Variants in USP40 observed in about 807,000 individuals in gnomAD.
USP40 encodes the protein ubiquitin specific peptidase 40, also known as ubiquitin carboxyl-terminal hydrolase 40.
In USP40, 143 loss-of-function variants were observed where a neutral mutation model predicts 166.2. That is an observed-to-expected ratio of 0.86 (90% CI 0.75 to 0.99). The LOEUF is 0.99. USP40 is among the 50% of genes least tolerant of loss of function. The probability of loss-of-function intolerance (pLI) is 0.00; values close to 1 mark genes in which losing one functional copy is unlikely to be tolerated. For synonymous variants in USP40, 498 were observed against 524.0 expected, an observed-to-expected ratio of 0.95 and a Z score of 0.68; for missense variants, 1,444 against 1,479.7, an observed-to-expected ratio of 0.98 and a Z score of 0.40.
chr2:233,503,058 A>G (rs192459170), intron 21 of USP40, among the ~76,000 whole-genome samples: 2 of 152,326 alleles, frequency 1.3e-5, no homozygotes, highest in East Asian at 3.9e-4. Context: ...AAATGCCTGA[A>G]GAGAAATTCA....
At chr2:233,512,198 T>C (rs2066886927) in intron 19 of USP40, 1 of 186,882 alleles carries the variant, frequency 5.4e-6, no homozygotes, top group Admixed American at 6.0e-5. Flanking sequence ...CATGACTAAA[T>C]TAAATCTAAT....
At chr2:233,487,192 G>A (rs2065002210) in intron 28 of USP40, among the ~76,000 whole-genome samples, 1 of 152,186 alleles carries the variant, frequency 6.6e-6, no homozygotes, top group Non-Finnish European at 1.5e-5. Flanking sequence ...CAAAATACAC[G>A]AAATAACTCA....
intron 1 of USP40, among the ~76,000 whole-genome samples, chr2:233,565,984 G>A (rs2072108834): frequency 6.6e-6 from 1 of 152,058 alleles, no homozygotes; most frequent in Non-Finnish European, 1.5e-5. Context: ...CTGCTGGGAC[G>A]GCAAAGCCAA....
chr2:233,546,779 G>A (rs868786250), intron 8 of USP40: 3 of 152,226 alleles, frequency 2.0e-5, no homozygotes, highest in Admixed American at 6.5e-5. Context: ...AAGATAAGGG[G>A]AGTTTAAGGC....
At chr2:233,566,546 C>A in intron 1 of USP40, 138 bp downstream of exon 1, 2 of 405,146 alleles carry the variant, frequency 4.9e-6, no homozygotes, top group Non-Finnish European at 6.7e-6. Context: ...GAAACCACTG[C>A]CCCGACTCCA....
intron 18 of USP40, among the ~76,000 whole-genome samples, chr2:233,517,934 A>T (rs1381919203): frequency 6.6e-6 from 1 of 151,358 alleles, no homozygotes; most frequent in East Asian, 1.9e-4. Context: ...GGAATGGAAA[A>T]CCAAACACCG....
intron 5 of USP40, among the ~76,000 whole-genome samples, chr2:233,555,400 G>A (rs1460231742): frequency 2.6e-5 from 4 of 151,956 alleles, no homozygotes; most frequent in African/African-American, 9.7e-5. Flanking sequence ...GAGATTTTGG[G>A]GAATGAAAAT....
chr2:233,554,356 G>GA (rs777140566), intron 6 of USP40, 24 bp downstream of exon 6: 2 of 1,580,132 alleles, frequency 1.3e-6, no homozygotes, highest in East Asian at 4.6e-5. Flanking sequence ...GGGACCCTGG[G>GA]AAAAAGCAGT....
chr2:233,530,331 T>G (rs911905547), intron 11 of USP40, among the ~76,000 whole-genome samples: 3 of 152,128 alleles, frequency 2.0e-5, no homozygotes, highest in African/African-American at 7.2e-5. Flanking sequence ...AAATAAATGA[T>G]TACATAGTAG....
chr2:233,516,032 T>G (rs186514758), intron 18 of USP40, among the ~76,000 whole-genome samples: 13 of 152,364 alleles, frequency 8.5e-5, no homozygotes, highest in Non-Finnish European at 1.3e-4. Flanking sequence ...GTAAATATTT[T>G]AGGCTTCACG....
chr2:233,533,911 G>T, intron 10 of USP40, 132 bp from the exon 11 acceptor site: 1 of 940,638 alleles, frequency 1.1e-6, no homozygotes, highest in Non-Finnish European at 1.5e-6. Context: ...GGCCAGCTAC[G>T]GGGGAAAATC....
intron 26 of USP40, among the ~76,000 whole-genome samples, chr2:233,490,160 CTTTTTTTT>C (rs545796570): frequency 7.6e-6 from 1 of 131,664 alleles, no homozygotes; most frequent in Non-Finnish European, 1.6e-5. Flanking sequence ...TTCTTTTCTC[CTTTTTTTT>C]TTTTTTTTTT....
At chr2:233,536,263 T>C (rs2068926984) in intron 10 of USP40, among the ~76,000 whole-genome samples, 1 of 152,184 alleles carries the variant, frequency 6.6e-6, no homozygotes, top group Non-Finnish European at 1.5e-5. Flanking sequence ...CAAAGAAATG[T>C]ACACTTTAAA....
intron 10 of USP40, 49 bp downstream of exon 10, chr2:233,540,613 A>G (rs375019524): frequency 5.1e-6 from 6 of 1,172,906 alleles, no homozygotes; most frequent in Non-Finnish European, 7.4e-6. Flanking sequence ...TTGCGATCAT[A>G]ATGAAATTTC....
chr2:233,510,673 G>A lies in USP40; in HGVS notation c.2527-538C>T, dbSNP rs190108990. ...CCCGCCTCAGCCTCCCAAAGGGTTG[G>A]GATTACAGATGTGAGCCACCGCGCC... On this transcript the variant is annotated intron_variant, in intron 20 of 31. Coordinates refer to ENST00000678225, the MANE Select transcript of USP40 (RefSeq NM_001365479.2). 2.1e-3 allele frequency among the ~76,000 whole-genome samples: 314 copies of A among 151,782 alleles called. 2 individuals carry two copies. Among genetic ancestry groups the A allele is most frequent in the African/African-American group, 7.3e-3 (302 of 41,422 alleles).
intron 10 of USP40, among the ~76,000 whole-genome samples, chr2:233,539,421 G>A (rs185963089): frequency 6.6e-6 from 1 of 152,034 alleles, no homozygotes; most frequent in African/African-American, 2.4e-5. Flanking sequence ...TGTTCTCAAA[G>A]TACAATGAAA....
chr2:233,536,403 A>G (rs1400518215), intron 10 of USP40, among the ~76,000 whole-genome samples: 2 of 152,184 alleles, frequency 1.3e-5, no homozygotes, highest in African/African-American at 4.8e-5. Context: ...ATCTCTGGAA[A>G]TTGTCCAAAT....
intron 2 of USP40, 76 bp downstream of exon 2, chr2:233,565,276 CTATT>C: frequency 9.4e-7 from 1 of 1,062,194 alleles, no homozygotes; most frequent in African/African-American, 1.6e-5. Flanking sequence ...GATAATTGGT[CTATT>C]TGTGATTTTG....
chr2:233,543,933 A>T (rs2069662231), intron 8 of USP40, among the ~76,000 whole-genome samples: 1 of 152,222 alleles, frequency 6.6e-6, no homozygotes, highest in Non-Finnish European at 1.5e-5. Flanking sequence ...CTGGTCTTTC[A>T]AACAACAATC....
Sources: allele counts gnomAD v4.1 joint callset (sites outside exome capture counted in the v4.1 genomes callset), GRCh38; gene constraint gnomAD v4.1.1; transcripts MANE v1.5; gene names NCBI Gene and HGNC (gene_info 2026-07-23, HGNC 2026-07-21).